Variants in EPHA7 observed in about 807,000 individuals in gnomAD.
EPHA7 encodes the protein ephrin type-A receptor 7.
Under a neutral mutation model 112.6 loss-of-function variants are expected in EPHA7, and 25 were observed. The ratio of observed to expected loss-of-function variants is 0.22; its 90% CI spans 0.16 to 0.31. The LOEUF (loss-of-function observed/expected upper bound fraction) is 0.31, where lower values mean the gene tolerates loss of function less well. Ranked by LOEUF, EPHA7 falls within the 10% of genes least tolerant of loss-of-function variation. The pLI, the probability that EPHA7 is intolerant of heterozygous loss-of-function variation, is 1.00. For missense variants in EPHA7, 962 were observed against 1,212.6 expected (o/e 0.79, Z 3.07); for synonymous variants, 437 against 406.5 (o/e 1.07, Z -0.90).
At chr6:93,274,593 A>T (rs1195986054) in intron 5 of EPHA7, among the ~76,000 whole-genome samples, 1 of 151,924 alleles carries the variant, frequency 6.6e-6, no homozygotes, top group African/African-American at 2.4e-5. Flanking sequence ...CCATATCTGT[A>T]AGTGAATATA....
intron 5 of EPHA7, among the ~76,000 whole-genome samples, chr6:93,307,070 A>G (rs1773297391): frequency 6.6e-6 from 1 of 151,968 alleles, no homozygotes; most frequent in African/African-American, 2.4e-5. Context: ...GGACTTAAAC[A>G]TAACTGCTAA....
intron 5 of EPHA7, among the ~76,000 whole-genome samples, chr6:93,291,357 T>C (rs1050286082): frequency 1.3e-5 from 2 of 152,172 alleles, no homozygotes; most frequent in Non-Finnish European, 2.9e-5. Flanking sequence ...ACGGTTTTTG[T>C]TTTTTTAGTC....
At chr6:93,262,749 C>T (rs995833392) in intron 9 of EPHA7, among the ~76,000 whole-genome samples, 2 of 151,092 alleles carry the variant, frequency 1.3e-5, no homozygotes, top group African/African-American at 4.8e-5. Context: ...TTCAAAAATA[C>T]AAACACATTG....
Position 93,414,689 on chromosome 6 carries a change from T to C in EPHA7, c.162+14A>G. ...ATTTTAAAAAAGTGATATTTTATGA[T>C]GAAAAAAACTTACCCCATTGGGTGG... On this transcript the variant is annotated intron_variant, in intron 2 of 16. Transcript: ENST00000369303. 2 of 1,602,998 alleles carry C rather than the reference T, an allele frequency of 1.2e-6. No homozygotes were observed. Among genetic ancestry groups the C allele is most frequent in the South Asian group, 1.1e-5 (1 of 90,552 alleles).
At chr6:93,316,766 T>G (rs1256713140) in intron 5 of EPHA7, among the ~76,000 whole-genome samples, 1 of 152,174 alleles carries the variant, frequency 6.6e-6, no homozygotes, top group Non-Finnish European at 1.5e-5. Context: ...AATTTCCTAT[T>G]GATACTGAGT....
In EPHA7 at chr6:93,254,663, T is replaced by G; in HGVS notation, c.2516A>C (p.Asp839Ala). 1 of 1,612,154 alleles carries G rather than the reference T, an allele frequency of 6.2e-7. No homozygotes were observed. The highest frequency in any genetic ancestry group is 8.5e-7 in the Non-Finnish European group (1 of 1,178,660). Residue 839 changes from aspartate to alanine, a missense_variant, in exon 14 of 17, where the codon GAC becomes GCC. Transcript: ENST00000369303. The stretch of plus-strand genomic sequence containing the variant: ...AACACCTACATCTTGATTTGACATG[T>G]CCCAATAAGGTCTTTCTCCATAAGA... Reference protein sequence around the residue: ...VMSYGERPYWDMSNQDVIKAI... With the variant: ...VMSYGERPYWAMSNQDVIKAI...
chr6:93,334,678 C>A (rs560748960), intron 5 of EPHA7, among the ~76,000 whole-genome samples: 194 of 152,156 alleles, frequency 1.3e-3, no homozygotes, highest in African/African-American at 4.1e-3. Context: ...GTTAGCATTT[C>A]TGCTACTGTG....
At chr6:93,372,960 A>C (rs1476740184) in intron 3 of EPHA7, among the ~76,000 whole-genome samples, 2 of 152,074 alleles carry the variant, frequency 1.3e-5, no homozygotes, top group African/African-American at 2.4e-5. Context: ...GAGATGGAGA[A>C]TTCTGAAAAT....
intron 1 of EPHA7, among the ~76,000 whole-genome samples, chr6:93,416,257 AACAGACATGAAGC>A (rs1356706397): frequency 1.2e-4 from 18 of 152,312 alleles, no homozygotes; most frequent in Non-Finnish European, 1.9e-4. Flanking sequence ...TATCCTCAAC[AACAGACATGAAGC>A]ACAGGGAAAC....
At chr6:93,310,958 C>A (rs1280802428) in intron 5 of EPHA7, among the ~76,000 whole-genome samples, 2 of 151,558 alleles carry the variant, frequency 1.3e-5, no homozygotes, top group African/African-American at 2.4e-5. Flanking sequence ...CTCTCTGGCA[C>A]GTGATGCTGT....
rs1030030878 is a variant in EPHA7, at chr6:93,240,794, C to T, written c.*2632G>A. 1 of 211,840 alleles carries T rather than the reference C, an allele frequency of 4.7e-6. No homozygotes were observed. Among genetic ancestry groups the T allele is most frequent in the Non-Finnish European group, 9.6e-6 (1 of 104,622 alleles). 13.1% of individuals were successfully genotyped at this position (211,840 alleles called of 1,614,324 possible). ...CAAGTTGTACATTCTTATCGTTATA[C>T]CATCTCATCTCTTTCTGGAAGAGAG... On this transcript the variant is annotated 3_prime_UTR_variant, in exon 17 of 17. Transcript: ENST00000369303.
At chr6:93,357,119 A>C in intron 4 of EPHA7, 67 bp from the exon 5 acceptor site, 1 of 1,286,796 alleles carries the variant, frequency 7.8e-7, no homozygotes, top group Non-Finnish European at 1.1e-6. Flanking sequence ...AACAAAAAGA[A>C]CAAAAGGATC....
intron 2 of EPHA7, 85 bp from the exon 3 acceptor site, chr6:93,411,255 ATCTTCG>A: frequency 8.7e-7 from 1 of 1,144,700 alleles, no homozygotes; most frequent in Admixed American, 2.2e-5. Flanking sequence ...ACAAATACAG[ATCTTCG>A]AAAAAGTTAG....
Position 93,258,304 on chromosome 6 carries a change from AG to A in EPHA7, c.1925-21del, listed in dbSNP as rs1257866090. On this transcript the variant is annotated intron_variant, in intron 10 of 16. Coordinates refer to ENST00000369303, the MANE Select transcript of EPHA7 (RefSeq NM_004440.4). Reference sequence around the variant, plus strand: ...ATTCTCCTGAAGTAACAGAACAAGCAGGCATATTTTAGTTTCTAAATATTGT... The same window carrying A: ...ATTCTCCTGAAGTAACAGAACAAGCAGCATATTTTAGTTTCTAAATATTGT... The A allele has an allele frequency of 3.9e-6, 6 of 1,522,952 alleles. No homozygotes were observed. Among genetic ancestry groups the A allele is most frequent in the African/African-American group, 1.4e-5 (1 of 71,408 alleles). 94.3% of individuals were successfully genotyped at this position (1,522,952 alleles called of 1,614,324 possible).
chr6:93,392,646 A>G (rs1031530275), intron 3 of EPHA7, among the ~76,000 whole-genome samples: 3 of 152,040 alleles, frequency 2.0e-5, no homozygotes, highest in Non-Finnish European at 4.4e-5. Context: ...ATACAAAATA[A>G]CATTTTGCAT....
At chr6:93,419,218 A>C in intron 1 of EPHA7, 27 bp downstream of exon 1, 1 of 1,591,820 alleles carries the variant, frequency 6.3e-7, no homozygotes, top group South Asian at 1.1e-5. Context: ...ATAAGTCAGA[A>C]CAAACTTTGC....
chr6:93,270,443 A>C (rs1374481946), intron 6 of EPHA7, among the ~76,000 whole-genome samples: 2 of 151,532 alleles, frequency 1.3e-5, no homozygotes, highest in African/African-American at 4.8e-5. Context: ...CAAGCATATA[A>C]AAACTCCATC....
chr6:93,260,097 G>A (rs773441343), intron 9 of EPHA7, among the ~76,000 whole-genome samples: 27 of 151,860 alleles, frequency 1.8e-4, no homozygotes, highest in Non-Finnish European at 3.5e-4. Context: ...AAGGGCAATA[G>A]AGGCCAGATA....
intron 3 of EPHA7, among the ~76,000 whole-genome samples, chr6:93,382,052 C>A (rs570876322): frequency 6.6e-6 from 1 of 152,288 alleles, no homozygotes; most frequent in South Asian, 2.1e-4. Context: ...ACACATTATA[C>A]CAATCCAATA....
Sources: gnomAD v4.1 joint callset for allele counts (sites outside exome capture counted in the v4.1 genomes callset) on GRCh38, gnomAD v4.1.1 for gene constraint, MANE v1.5 for transcripts, NCBI Gene and HGNC (gene_info 2026-07-23, HGNC 2026-07-21) for gene names.